The following HSD17B2 variants were observed in gnomAD, a reference collection of about 807,000 sequenced individuals.
HSD17B2 encodes the protein hydroxysteroid 17-beta dehydrogenase 2.
HSD17B2 carries 32 observed loss-of-function variants against 26.9 expected under a neutral mutation model. The observed-to-expected ratio is 1.19, with a 90% CI of 0.90 to 1.60. HSD17B2 has a LOEUF of 1.60. HSD17B2 is among the 40% of genes most tolerant of loss of function. HSD17B2 has a pLI of 0.00. For synonymous variants in HSD17B2, 246 were observed against 186.7 expected, an observed-to-expected ratio of 1.32 and a Z score of -2.59; for missense variants, 613 against 468.6, an observed-to-expected ratio of 1.31 and a Z score of -2.85.
At chr16:82,081,788 G>T (rs564379202) in intron 3 of HSD17B2, among the ~76,000 whole-genome samples, 2 of 151,880 alleles carry the variant, frequency 1.3e-5, no homozygotes, top group Non-Finnish European at 2.9e-5. Flanking sequence ...TAAGTTCTGG[G>T]GTACATGTGT....
chr16:82,092,133 C>T (rs1000446334), intron 4 of HSD17B2: 2 of 152,324 alleles, frequency 1.3e-5, no homozygotes, highest in Middle Eastern at 3.4e-3. Flanking sequence ...TTATTTTCAT[C>T]TAAAAGTTTG....
intron 4 of HSD17B2, chr16:82,093,006 C>T (rs2142368231): frequency 6.6e-6 from 1 of 152,280 alleles, no homozygotes; most frequent in African/African-American, 2.4e-5. Flanking sequence ...AATTGCTATG[C>T]ATAATAGTTC....
intron 1 of HSD17B2, chr16:82,052,577 A>T (rs1278161543): frequency 2.6e-5 from 4 of 152,256 alleles, no homozygotes; most frequent in Non-Finnish European, 5.9e-5. Context: ...CACCCTGGGC[A>T]TGCATTTCCC....
chr16:82,094,283 TAG>T (rs2142369126), intron 4 of HSD17B2: 1 of 152,342 alleles, frequency 6.6e-6, no homozygotes, highest in South Asian at 2.1e-4. Context: ...GACTAGATCA[TAG>T]AGTTTTCCTG....
At chr16:82,069,112 C>A (rs369963834) in intron 2 of HSD17B2, among the ~76,000 whole-genome samples, 102 of 152,222 alleles carry the variant, frequency 6.7e-4, no homozygotes, top group African/African-American at 2.2e-3. Flanking sequence ...CCCCACCATG[C>A]GTCCATGTGT....
At chr16:82,074,662 T>C (rs1914771552) in intron 3 of HSD17B2, among the ~76,000 whole-genome samples, 1 of 152,178 alleles carries the variant, frequency 6.6e-6, no homozygotes, top group African/African-American at 2.4e-5. Flanking sequence ...CCATTGTAAA[T>C]ATACATGCAC....
intron 3 of HSD17B2, among the ~76,000 whole-genome samples, chr16:82,080,849 G>C (rs1200275952): frequency 6.6e-6 from 1 of 152,184 alleles, no homozygotes; most frequent in East Asian, 1.9e-4. Flanking sequence ...CAAAAAGGCA[G>C]AGTCAATCAA....
intron 1 of HSD17B2, among the ~76,000 whole-genome samples, chr16:82,036,320 T>TTGTGTGTGTGTGTG (rs10609893): frequency 6.9e-6 from 1 of 145,782 alleles, no homozygotes; most frequent in Non-Finnish European, 1.5e-5. Context: ...TTTCCCTTGT[T>TTGTGTGTGTGTGTG]TGTGTGTGTG....
chr16:82,088,548 C>T (rs530620645), intron 3 of HSD17B2, among the ~76,000 whole-genome samples: 1 of 152,168 alleles, frequency 6.6e-6, no homozygotes, highest in Non-Finnish European at 1.5e-5. Context: ...TCTGACCAAC[C>T]TTCAACATCT....
chr16:82,071,036 G>A lies in HSD17B2; in HGVS notation c.573G>A (p.Val191=), dbSNP rs1419123145. ...CTGACTACAAACAATGCATGGCCGT[G>A]AACTTCTTTGGAACTGTGGAGGTCA... ...LMTDYKQCMA[V]NFFGTVEVTK... Residue 191 remains valine (V), a synonymous_variant, in exon 3 of 5, where the codon GTG becomes GTA. Coordinates refer to ENST00000199936, the MANE Select transcript of HSD17B2 (RefSeq NM_002153.3). The A allele has an allele frequency of 4.3e-6, 7 of 1,614,090 alleles. No individual in the cohort carries two copies.
intron 3 of HSD17B2, among the ~76,000 whole-genome samples, chr16:82,078,248 A>T (rs1240014317): frequency 6.6e-6 from 1 of 152,248 alleles, no homozygotes; most frequent in African/African-American, 2.4e-5. Context: ...TCAAAAGAAG[A>T]TAAGACATAC....
At chr16:82,046,513 G>A (rs1414146580) in intron 1 of HSD17B2, among the ~76,000 whole-genome samples, 2 of 152,012 alleles carry the variant, frequency 1.3e-5, no homozygotes, top group African/African-American at 4.8e-5. Flanking sequence ...ACTTGAGCCC[G>A]GGAGTTCAAC....
intron 3 of HSD17B2, among the ~76,000 whole-genome samples, chr16:82,075,783 AC>A (rs1207391778): frequency 2.0e-5 from 3 of 152,102 alleles, no homozygotes; most frequent in Non-Finnish European, 2.9e-5. Context: ...ATTTTACCAA[AC>A]TTTTAAAGAA....
chr16:82,060,987 G>A (rs1008084326), intron 1 of HSD17B2, among the ~76,000 whole-genome samples: 19 of 152,216 alleles, frequency 1.2e-4, no homozygotes, highest in Admixed American at 1.0e-3. Context: ...TGGGCCAGGC[G>A]TGGCGACTCA....
chr16:82,036,646 G>C (rs947991185), intron 1 of HSD17B2, among the ~76,000 whole-genome samples: 7 of 152,034 alleles, frequency 4.6e-5, no homozygotes, highest in Non-Finnish European at 1.0e-4. Context: ...CTTTGTTTTT[G>C]GGTTAAAGTA....
At chr16:82,079,103 G>A (rs143965786) in intron 3 of HSD17B2, among the ~76,000 whole-genome samples, 43 of 152,110 alleles carry the variant, frequency 2.8e-4, no homozygotes, top group Non-Finnish European at 3.8e-4. Flanking sequence ...TGATTATTAT[G>A]TATTGCATGC....
At chr16:82,095,615 G>A in intron 4 of HSD17B2, 1 of 152,212 alleles carries the variant, frequency 6.6e-6, no homozygotes, top group Non-Finnish European at 1.5e-5. Context: ...AAACGAATAG[G>A]TGGTGAAAGT....
At chr16:82,048,605 A>C (rs1477343328) in intron 1 of HSD17B2, among the ~76,000 whole-genome samples, 2 of 152,220 alleles carry the variant, frequency 1.3e-5, no homozygotes, top group African/African-American at 2.4e-5. Context: ...CTTGAAGAAG[A>C]GACATTAATA....
At chr16:82,045,121 CAAA>C (rs10565056) in intron 1 of HSD17B2, among the ~76,000 whole-genome samples, 3,068 of 42,730 alleles carry the variant, frequency 0.072, 67 homozygotes, top group African/African-American at 0.17. Flanking sequence ...AAACTCTGTC[CAAA>C]AAAAAAAAAA....
Sources: allele counts gnomAD v4.1 joint callset (sites outside exome capture counted in the v4.1 genomes callset), GRCh38; gene constraint gnomAD v4.1.1; transcripts MANE v1.5; gene names NCBI Gene and HGNC (gene_info 2026-07-23, HGNC 2026-07-21).